The following CSMD3 variants were observed in gnomAD, a reference collection of about 807,000 sequenced individuals.
The protein encoded by CSMD3 is CUB and Sushi multiple domains 3, also known as CUB and sushi domain-containing protein 3.
Under a neutral mutation model 435.2 loss-of-function variants are expected in CSMD3, and 177 were observed. The observed-to-expected ratio is 0.41, with a 90% CI of 0.36 to 0.46. The LOEUF is 0.46. CSMD3 is among the 20% of genes least tolerant of loss of function. CSMD3 has a pLI of 0.34. For synonymous variants in CSMD3, 1,656 were observed against 1,520.5 expected (o/e 1.09, Z -2.07); for missense variants, 4,265 against 4,504.6 (o/e 0.95, Z 1.52).
intron 4 of CSMD3, among the ~76,000 whole-genome samples, chr8:113,159,001 T>C (rs2091987297): frequency 1.3e-5 from 2 of 152,000 alleles, no homozygotes; most frequent in African/African-American, 4.8e-5. Context: ...TCTCTTAGTG[T>C]ACTAGTCAAT....
intron 31 of CSMD3, among the ~76,000 whole-genome samples, chr8:112,487,413 T>C (rs1458079455): frequency 6.6e-6 from 1 of 152,138 alleles, no homozygotes; most frequent in Non-Finnish European, 1.5e-5. Flanking sequence ...GTCTGATCAG[T>C]GCTTTGAGGA....
rs537612017 is a variant in CSMD3, at chr8:112,956,957, T to G, written c.1343-2196A>C. On this transcript the variant is annotated intron_variant, in intron 7 of 70. Transcript: ENST00000297405. Reference sequence around the variant, plus strand: ...ATCCATTTTTGGACATGACAAAGTGTGAATTAACAACATAAAATTTAAATT... The same window carrying G: ...ATCCATTTTTGGACATGACAAAGTGGGAATTAACAACATAAAATTTAAATT... Among the ~76,000 whole-genome samples the G allele has an allele frequency of 4.9e-3, 750 of 152,172 alleles. 1 individual carries two copies. Among genetic ancestry groups the G allele is most frequent in the African/African-American group, 0.016 (666 of 41,526 alleles).
intron 1 of CSMD3, among the ~76,000 whole-genome samples, chr8:113,350,288 T>C (rs1225965014): frequency 2.0e-5 from 3 of 152,114 alleles, no homozygotes; most frequent in Non-Finnish European, 4.4e-5. Flanking sequence ...TTTCTTGCCT[T>C]GCATTAGATA....
At chr8:112,401,724 T>C (rs917817955) in intron 35 of CSMD3, among the ~76,000 whole-genome samples, 2 of 152,136 alleles carry the variant, frequency 1.3e-5, no homozygotes, top group Non-Finnish European at 2.9e-5. Flanking sequence ...TTTACTAGTA[T>C]TTTCAATAAA....
intron 1 of CSMD3, among the ~76,000 whole-genome samples, chr8:113,360,292 A>T (rs2094263860): frequency 6.6e-6 from 1 of 151,702 alleles, no homozygotes; most frequent in African/African-American, 2.4e-5. Context: ...CTAGAGCTAT[A>T]GGACTTTGAG....
chr8:112,494,494 CCTTT>C (rs66517203), intron 30 of CSMD3, among the ~76,000 whole-genome samples: 2,283 of 39,628 alleles, frequency 0.058, 30 homozygotes, highest in Non-Finnish European at 0.082. Context: ...TTCTTTCTCT[CCTTT>C]CTTTCTTTCT....
At chr8:113,382,334 C>T (rs2094419646) in intron 1 of CSMD3, among the ~76,000 whole-genome samples, 1 of 152,048 alleles carries the variant, frequency 6.6e-6, no homozygotes, top group Non-Finnish European at 1.5e-5. Flanking sequence ...TACAGTTTTG[C>T]TTTACCAACA....
At chr8:113,310,702 T>A (rs979415332) in intron 2 of CSMD3, 1 of 151,972 alleles carries the variant, frequency 6.6e-6, no homozygotes, top group Non-Finnish European at 1.5e-5. Flanking sequence ...TATTCATTGA[T>A]ATAAGATTCT....
chr8:113,310,443 G>A (rs1229209760), intron 2 of CSMD3: 1 of 151,692 alleles, frequency 6.6e-6, no homozygotes, highest in Non-Finnish European at 1.5e-5. Context: ...AAGAAGCTGA[G>A]AAATATTTTT....
chr8:112,451,700 G>A (rs1313796795), intron 32 of CSMD3, among the ~76,000 whole-genome samples: 5 of 151,940 alleles, frequency 3.3e-5, no homozygotes, highest in African/African-American at 7.3e-5. Flanking sequence ...CACCATGCCC[G>A]GCTAATTTTG....
chr8:112,632,323 G>C (rs1383388155), intron 22 of CSMD3, among the ~76,000 whole-genome samples: 1 of 151,924 alleles, frequency 6.6e-6, no homozygotes, highest in South Asian at 2.1e-4. Flanking sequence ...GTGTAATATA[G>C]AGTTATCATT....
intron 7 of CSMD3, among the ~76,000 whole-genome samples, chr8:112,960,563 G>C (rs923027182): frequency 6.6e-6 from 1 of 151,462 alleles, no homozygotes; most frequent in African/African-American, 2.4e-5. Context: ...GAATCTTTGT[G>C]AAAAATATTT....
chr8:113,231,806 T>A (rs928351117), intron 3 of CSMD3, among the ~76,000 whole-genome samples: 1 of 151,516 alleles, frequency 6.6e-6, no homozygotes, highest in African/African-American at 2.4e-5. Context: ...GGAGTGATAT[T>A]AGAACAACTG....
intron 1 of CSMD3, among the ~76,000 whole-genome samples, chr8:113,359,327 A>G (rs1049377045): frequency 3.9e-5 from 6 of 152,232 alleles, no homozygotes; most frequent in African/African-American, 1.4e-4. Context: ...AAAAGTACTC[A>G]AGAGTCTCTG....
chr8:112,826,462 C>T (rs2079683984), intron 12 of CSMD3, among the ~76,000 whole-genome samples: 1 of 152,100 alleles, frequency 6.6e-6, no homozygotes, highest in African/African-American at 2.4e-5. Flanking sequence ...GTGGCGTGTG[C>T]TTGTGACTGG....
chr8:112,511,104 A>G (rs1823073398), intron 28 of CSMD3, among the ~76,000 whole-genome samples: 1 of 152,220 alleles, frequency 6.6e-6, no homozygotes, highest in Non-Finnish European at 1.5e-5. Context: ...AAATATAGCA[A>G]TAAAGTGAGT....
intron 15 of CSMD3, 98 bp from the exon 16 acceptor site, chr8:112,682,734 T>C (rs901346189): frequency 1.2e-4 from 107 of 868,846 alleles, no homozygotes; most frequent in South Asian, 3.2e-4. Flanking sequence ...GAAAGAGATA[T>C]TTTAAAAGGT....
At chr8:113,394,066 T>G (rs1588654577) in intron 1 of CSMD3, among the ~76,000 whole-genome samples, 1 of 151,970 alleles carries the variant, frequency 6.6e-6, no homozygotes, top group East Asian at 1.9e-4. Context: ...ATTCTGAAGT[T>G]TATTTTGCCC....
chr8:112,864,553 A>G (rs1271312069), intron 10 of CSMD3, among the ~76,000 whole-genome samples: 1 of 152,098 alleles, frequency 6.6e-6, no homozygotes, highest in East Asian at 1.9e-4. Context: ...GCCCGGCTGT[A>G]TAGGTTTCTT....
Sources: allele counts gnomAD v4.1 joint callset (sites outside exome capture counted in the v4.1 genomes callset), GRCh38; gene constraint gnomAD v4.1.1; transcripts MANE v1.5; gene names NCBI Gene and HGNC (gene_info 2026-07-23, HGNC 2026-07-21).